Variants in TCN2 observed in about 807,000 individuals in gnomAD.
The protein encoded by TCN2 is transcobalamin 2.
In TCN2, 34 loss-of-function variants were observed where a neutral mutation model predicts 48.6. The ratio of observed to expected loss-of-function variants is 0.70; its 90% CI spans 0.53 to 0.93. The LOEUF (loss-of-function observed/expected upper bound fraction) is 0.93. Among genes scored for constraint, TCN2 ranks in the 40% least tolerant of loss-of-function variants. The pLI, the probability that TCN2 is intolerant of heterozygous loss-of-function variation, is 0.00. For missense variants in TCN2, 652 were observed against 526.1 expected, an observed-to-expected ratio of 1.24 and a Z score of -2.34; for synonymous variants, 283 against 212.5, an observed-to-expected ratio of 1.33 and a Z score of -2.89.
chr22:30,621,519 G>A (rs1431780769), intron 7 of TCN2, among the ~76,000 whole-genome samples: 1 of 152,026 alleles, frequency 6.6e-6, no homozygotes, highest in Non-Finnish European at 1.5e-5. Flanking sequence ...GTCTTGCTCT[G>A]TTACCCAGGC....
Position 30,623,885 on chromosome 22 carries a change from C to T in TCN2, c.1222+802C>T, listed in dbSNP as rs368469882. On this transcript the variant is annotated intron_variant, in intron 8 of 8. Transcript: ENST00000215838. Reference sequence around the variant, plus strand: ...ACACACATATATACACACATATATACACACATATATATGTATACATATATA... The same window carrying T: ...ACACACATATATACACACATATATATACACATATATATGTATACATATATA... Among the ~76,000 whole-genome samples, 15 of 76,322 alleles carry T rather than the reference C, an allele frequency of 2.0e-4. 2 individuals carry two copies. In the East Asian group the frequency reaches 4.5e-3, roughly 23 times the overall value. The allele number at this position is 76,322 out of a possible 152,430, so 50.1% of individuals were successfully genotyped here.
intron 6 of TCN2, among the ~76,000 whole-genome samples, chr22:30,616,291 C>G (rs370574162): frequency 6.6e-6 from 1 of 152,024 alleles, no homozygotes; most frequent in Non-Finnish European, 1.5e-5. Flanking sequence ...CGAGACCAGC[C>G]TGGCTAACAT....
Position 30,623,010 on chromosome 22 carries a change from C to A in TCN2, c.1149C>A (p.Ser383=). The A allele has an allele frequency of 6.2e-7, 1 of 1,614,104 alleles. No individual in the cohort carries two copies. The highest frequency in any genetic ancestry group is 1.3e-5 in the African/African-American group (1 of 74,994). Residue 383 remains serine (S), a synonymous_variant, in exon 8 of 9, where the codon TCC becomes TCA. Transcript: ENST00000215838. ...QASLSGPYLT[S]VMGKAAGERE... The stretch of plus-strand genomic sequence containing the variant: ...CCTTGTCAGGCCCCTACTTAACCTC[C>A]GTGATGGGGAAAGCGGCCGGAGAAA...
intron 7 of TCN2, among the ~76,000 whole-genome samples, chr22:30,620,695 G>A (rs957498796): frequency 3.3e-5 from 5 of 152,232 alleles, no homozygotes; most frequent in African/African-American, 7.2e-5. Context: ...AGAATTTAAC[G>A]TTTTTATTCA....
chr22:30,623,747 CACAT>C lies in TCN2; in HGVS notation c.1222+666_1222+669del, dbSNP rs1305717146. On this transcript the variant is annotated intron_variant, in intron 8 of 8. Transcript: ENST00000215838. ...ATATATATGTATACATATATATACA[CACAT>C]ATATATGTATATATATATACACACA... Among the ~76,000 whole-genome samples, 3 of 109,306 alleles carry C rather than the reference CACAT, an allele frequency of 2.7e-5. 1 individual carries two copies. The highest frequency in any genetic ancestry group is 1.1e-4 in the Admixed American group (1 of 9,428). 71.7% of individuals were successfully genotyped at this position (109,306 alleles called of 152,430 possible).
At chr22:30,612,787 G>A (rs1406544236) in intron 2 of TCN2, 86 bp from the exon 3 acceptor site, 35 of 1,560,000 alleles carry the variant, frequency 2.2e-5, no homozygotes, top group Admixed American at 1.7e-4. Flanking sequence ...ATTTTTTCCC[G>A]CTTTGTGATG....
intron 1 of TCN2, among the ~76,000 whole-genome samples, 175 bp downstream of exon 1, chr22:30,607,570 C>T (rs1375259814): frequency 1.3e-5 from 2 of 152,204 alleles, no homozygotes; most frequent in Admixed American, 1.3e-4. Flanking sequence ...TGACTCCTCA[C>T]CAGACAAGAT....
chr22:30,617,861 T>C (rs1446350381), intron 7 of TCN2: 5 of 350,132 alleles, frequency 1.4e-5, no homozygotes, highest in South Asian at 2.6e-5. Flanking sequence ...ATGTGCTTTT[T>C]ATATGTGCAA....
chr22:30,610,651 G>T (rs991461789), intron 1 of TCN2, among the ~76,000 whole-genome samples: 1 of 152,204 alleles, frequency 6.6e-6, no homozygotes, highest in South Asian at 2.1e-4. Context: ...CACCTCTCTT[G>T]CTGGCTCACT....
intron 7 of TCN2, among the ~76,000 whole-genome samples, chr22:30,620,597 C>T (rs1013284270): frequency 2.0e-5 from 3 of 152,232 alleles, no homozygotes; most frequent in African/African-American, 4.8e-5. Flanking sequence ...GCTGAGTGCC[C>T]TTGGGAGGGC....
intron 1 of TCN2, among the ~76,000 whole-genome samples, chr22:30,608,935 A>G (rs1368719332): frequency 2.6e-5 from 4 of 152,030 alleles, no homozygotes; most frequent in Admixed American, 2.6e-4. Flanking sequence ...TGGGGTGCAA[A>G]TATCTGCACT....
At chr22:30,615,510 G>T (rs533721307) in intron 5 of TCN2, 37 bp downstream of exon 5, 1 of 1,608,516 alleles carries the variant, frequency 6.2e-7, no homozygotes, top group Admixed American at 1.7e-5. Context: ...CCACCCTGGG[G>T]AACAGTCAGG....
chr22:30,617,234 G>T, intron 6 of TCN2, 96 bp from the exon 7 acceptor site: 1 of 1,553,358 alleles, frequency 6.4e-7, no homozygotes, highest in Non-Finnish European at 8.8e-7. Context: ...CATGGGGAAG[G>T]ACAAAGTCCA....
chr22:30,623,841 CACAT>C (rs1390242595), intron 8 of TCN2, among the ~76,000 whole-genome samples: 708 of 70,764 alleles, frequency 0.01, 230 homozygotes, highest in Admixed American at 0.012. Context: ...CATATACACA[CACAT>C]ACATACACAT....
intron 7 of TCN2, among the ~76,000 whole-genome samples, chr22:30,620,581 G>A (rs901744590): frequency 2.0e-5 from 3 of 152,220 alleles, no homozygotes; most frequent in African/African-American, 4.8e-5. Context: ...TGATGGCCAC[G>A]CATAGGCTGA....
intron 7 of TCN2, among the ~76,000 whole-genome samples, chr22:30,620,147 T>G (rs536540667): frequency 6.6e-6 from 1 of 152,110 alleles, no homozygotes; most frequent in African/African-American, 2.4e-5. Context: ...ACAAAACTTT[T>G]TTTTTTTTTT....
At position 30,615,789 on chromosome 22, in the gene TCN2, T is replaced by C; in HGVS notation, c.940+2T>C. ...TCCCAGACTGTCTGGCACCACGAGG[T>C]AGCCCAACTTTTTGTGGAAGCACAG... On this transcript the variant is annotated splice_donor_variant, in intron 6 of 8. Transcript: ENST00000215838. LOFTEE classifies it high-confidence loss of function. 1 of 1,614,194 alleles carries C rather than the reference T, an allele frequency of 6.2e-7. No individual in the cohort carries two copies. The highest frequency in any genetic ancestry group is 8.5e-7 in the Non-Finnish European group (1 of 1,180,036).
At position 30,623,070 on chromosome 22, in the gene TCN2, C is replaced by G; in HGVS notation, c.1209C>G (p.Thr403=). The change falls in exon 8 of 9, where the codon ACC becomes ACG. Residue 403 remains threonine (T), a synonymous_variant. Transcript: ENST00000215838. ...EFWQLLRDPN[T]PLLQGIADYR... ...GGCAGCTTCTCCGAGACCCCAACAC[C>G]CCACTGTTGCAAGGTGAGTCATGGC... is the stretch of plus-strand genomic sequence containing the variant. 6.2e-7 allele frequency: 1 copy of G among 1,613,926 alleles called. No individual in the cohort carries two copies. The highest frequency in any genetic ancestry group is 8.5e-7 in the Non-Finnish European group (1 of 1,179,984).
At chr22:30,614,614 G>A (rs1268867578) in intron 4 of TCN2, 113 bp downstream of exon 4, 39 of 1,470,852 alleles carry the variant, frequency 2.7e-5, no homozygotes, top group Admixed American at 5.7e-5. Context: ...GGGCTCCTCC[G>A]AATCAAGTCC....
Sources: gnomAD v4.1 joint callset for allele counts (sites outside exome capture counted in the v4.1 genomes callset) on GRCh38, gnomAD v4.1.1 for gene constraint, MANE v1.5 for transcripts, NCBI Gene and HGNC (gene_info 2026-07-23, HGNC 2026-07-21) for gene names.